The following TRHDE variants were observed in gnomAD, a reference collection of about 807,000 sequenced individuals.
TRHDE encodes the protein thyrotropin releasing hormone degrading enzyme.
TRHDE carries 72 observed loss-of-function variants against 125.7 expected under a neutral mutation model. The observed-to-expected ratio is 0.57, with a 90% CI of 0.47 to 0.70. The LOEUF (loss-of-function observed/expected upper bound fraction) is 0.70. Ranked by LOEUF, TRHDE falls within the 30% of genes least tolerant of loss-of-function variation. TRHDE has a pLI of 0.00. For synonymous variants in TRHDE, 509 were observed against 509.1 expected, an observed-to-expected ratio of 1.00 and a Z score of 0.00; for missense variants, 1,110 against 1,327.1, an observed-to-expected ratio of 0.84 and a Z score of 2.54.
At chr12:72,653,243 C>A (rs1874580043) in intron 17 of TRHDE, 87 bp downstream of exon 17, 2 of 1,100,660 alleles carry the variant, frequency 1.8e-6, no homozygotes, top group Non-Finnish European at 1.3e-6. Context: ...AAGCTAAGAT[C>A]CATGCAATAG....
chr12:72,419,649 A>G (rs989497331), intron 3 of TRHDE, among the ~76,000 whole-genome samples: 4 of 152,178 alleles, frequency 2.6e-5, no homozygotes, highest in Non-Finnish European at 5.9e-5. Flanking sequence ...CCCATGATAC[A>G]GTCACCTCCC....
chr12:72,212,527 T>C (rs1040033287), intron 2 of TRHDE, among the ~76,000 whole-genome samples: 1 of 152,022 alleles, frequency 6.6e-6, no homozygotes, highest in Non-Finnish European at 1.5e-5. Context: ...ATATAACAAA[T>C]AACCCATTAA....
intron 1 of TRHDE, among the ~76,000 whole-genome samples, chr12:72,090,450 G>A (rs570908220): frequency 2.6e-5 from 4 of 152,236 alleles, no homozygotes; most frequent in African/African-American, 9.6e-5. Flanking sequence ...GGTTGTTCAC[G>A]TTTTACTTAC....
intron 15 of TRHDE, among the ~76,000 whole-genome samples, chr12:72,633,292 A>G (rs1873576070): frequency 6.6e-6 from 1 of 152,084 alleles, no homozygotes; most frequent in African/African-American, 2.4e-5. Flanking sequence ...AAAGAGCTGC[A>G]TATGCCTCTT....
intron 3 of TRHDE, among the ~76,000 whole-genome samples, chr12:72,402,396 T>C (rs1044331841): frequency 1.3e-5 from 2 of 152,230 alleles, no homozygotes; most frequent in African/African-American, 4.8e-5. Context: ...AAGCTTGTTC[T>C]ATCCCATGCC....
chr12:72,516,755 C>G (rs1233058048), intron 6 of TRHDE, among the ~76,000 whole-genome samples: 2 of 151,804 alleles, frequency 1.3e-5, no homozygotes, highest in African/African-American at 4.8e-5. Flanking sequence ...AGTTTTTGCC[C>G]ATTCAGTATG....
At chr12:72,377,181 AG>A (rs1377249109) in intron 2 of TRHDE, among the ~76,000 whole-genome samples, 3 of 152,192 alleles carry the variant, frequency 2.0e-5, no homozygotes, top group Admixed American at 1.3e-4. Flanking sequence ...TGTGAAAAAT[AG>A]ATTTAGCCTT....
chr12:72,443,936 T>A (rs1875147520), intron 3 of TRHDE, among the ~76,000 whole-genome samples: 1 of 151,824 alleles, frequency 6.6e-6, no homozygotes, highest in Non-Finnish European at 1.5e-5. Context: ...CCATAAAGAT[T>A]GTGTAATTCA....
chr12:72,483,337 G>A lies in TRHDE; in HGVS notation c.1584+10157G>A, dbSNP rs567889513. Among the ~76,000 whole-genome samples the A allele has an allele frequency of 2.6e-5, 4 of 151,904 alleles. No homozygotes were observed. The East Asian group carries it at 5.8e-4, about 22-fold the overall frequency. Reference sequence around the variant, plus strand: ...ACCTATCCCATGAATTAAATTTTTGGCTGTCTGCTACTTAATAGCTGTGTG... The same window carrying A: ...ACCTATCCCATGAATTAAATTTTTGACTGTCTGCTACTTAATAGCTGTGTG... On this transcript the variant is annotated intron_variant, in intron 5 of 18. Transcript: ENST00000261180.
intron 2 of TRHDE, among the ~76,000 whole-genome samples, chr12:72,298,503 C>T (rs1355066272): frequency 6.6e-6 from 1 of 152,050 alleles, no homozygotes; most frequent in East Asian, 1.9e-4. Flanking sequence ...CTTTTACATT[C>T]CAGTTCTTTA....
At chr12:72,375,234 G>A (rs1296653333) in intron 2 of TRHDE, among the ~76,000 whole-genome samples, 2 of 152,084 alleles carry the variant, frequency 1.3e-5, no homozygotes, top group African/African-American at 4.8e-5. Context: ...AACCTCTTAA[G>A]AGCAGTAAGT....
chr12:72,646,782 T>A (rs1197659761), intron 15 of TRHDE, among the ~76,000 whole-genome samples: 1 of 152,004 alleles, frequency 6.6e-6, no homozygotes, highest in Non-Finnish European at 1.5e-5. Flanking sequence ...ACTAGAAAGA[T>A]ATAACAAATT....
At chr12:72,299,681 G>A (rs1255054750) in intron 2 of TRHDE, among the ~76,000 whole-genome samples, 2 of 152,130 alleles carry the variant, frequency 1.3e-5, no homozygotes, top group Non-Finnish European at 2.9e-5. Context: ...ACAGAGAGAG[G>A]AAAAATTTCT....
chr12:72,107,783 T>A (rs1875222258), intron 2 of TRHDE, among the ~76,000 whole-genome samples: 1 of 152,138 alleles, frequency 6.6e-6, no homozygotes, highest in African/African-American at 2.4e-5. Context: ...TTGCTGAGAA[T>A]TTAAAATGAA....
intron 6 of TRHDE, among the ~76,000 whole-genome samples, chr12:72,518,885 T>C (rs1446875801): frequency 2.0e-5 from 3 of 152,010 alleles, no homozygotes; most frequent in East Asian, 3.9e-4. Flanking sequence ...TAAAGTATTT[T>C]ATTTCTCCTT....
intron 2 of TRHDE, among the ~76,000 whole-genome samples, chr12:72,298,677 G>T (rs1416367258): frequency 6.6e-6 from 1 of 152,148 alleles, no homozygotes; most frequent in East Asian, 1.9e-4. Context: ...AGTTTTGATT[G>T]TATGCTTTAG....
chr12:72,489,286 C>G (rs1446495367), intron 5 of TRHDE, among the ~76,000 whole-genome samples: 1 of 145,546 alleles, frequency 6.9e-6, no homozygotes, highest in Admixed American at 6.8e-5. Flanking sequence ...AAGACTCAAA[C>G]AAAAAACAAA....
chr12:72,434,020 A>G (rs1874619233), intron 3 of TRHDE, among the ~76,000 whole-genome samples: 1 of 152,058 alleles, frequency 6.6e-6, no homozygotes, highest in Non-Finnish European at 1.5e-5. Flanking sequence ...TGAACTGGGG[A>G]GAGGAGTGAG....
intron 15 of TRHDE, among the ~76,000 whole-genome samples, chr12:72,635,937 G>C (rs1014932573): frequency 6.6e-6 from 1 of 152,074 alleles, no homozygotes; most frequent in African/African-American, 2.4e-5. Flanking sequence ...CAGGTAGCAT[G>C]ATGCCTCCAG....
Sources: allele counts gnomAD v4.1 joint callset (sites outside exome capture counted in the v4.1 genomes callset), GRCh38; gene constraint gnomAD v4.1.1; transcripts MANE v1.5; gene names NCBI Gene and HGNC (gene_info 2026-07-23, HGNC 2026-07-21).